Variants in KIAA1958 observed in about 807,000 individuals in gnomAD.
KIAA1958 encodes the protein KIAA1958, also known as uncharacterized protein KIAA1958.
Under a neutral mutation model 47.2 loss-of-function variants are expected in KIAA1958, and 14 were observed. The ratio of observed to expected loss-of-function variants is 0.30; its 90% CI spans 0.20 to 0.46. The LOEUF is 0.46. Among genes scored for constraint, KIAA1958 ranks in the 20% least tolerant of loss-of-function variants. The pLI is 1.00. For synonymous variants in KIAA1958, 354 were observed against 353.3 expected (o/e 1.00, Z -0.02); for missense variants, 803 against 909.2 (o/e 0.88, Z 1.50).
At chr9:112,654,513 G>A (rs1444650240) in intron 3 of KIAA1958, among the ~76,000 whole-genome samples, 5 of 152,022 alleles carry the variant, frequency 3.3e-5, no homozygotes, top group African/African-American at 4.8e-5. Flanking sequence ...AAAGCACTCC[G>A]CACAAAGAAG....
intron 1 of KIAA1958, among the ~76,000 whole-genome samples, chr9:112,523,052 C>T (rs752605422): frequency 1.3e-5 from 2 of 152,100 alleles, no homozygotes; most frequent in Non-Finnish European, 2.9e-5. Flanking sequence ...TCATTTCTAC[C>T]CACAGCACAG....
intron 1 of KIAA1958, among the ~76,000 whole-genome samples, chr9:112,559,368 A>G (rs1409946736): frequency 4.6e-5 from 7 of 152,232 alleles, no homozygotes; most frequent in African/African-American, 1.7e-4. Flanking sequence ...TGCTCTAGCA[A>G]AGGAAACCAA....
At position 112,659,903 on chromosome 9, in the gene KIAA1958, A is replaced by G. The variant is rs1214091298; in HGVS notation, c.1985A>G (p.Asp662Gly). ...CTGACTGCCAGGAAGGAGGCCACAG[A>G]CATGGGCAGCGTGTGGTATGAGGAG... The part of the protein sequence containing the change: ...FYLTARKEAT[D>G]MGSVWYEEQR... The change falls in exon 4 of 4, where the codon GAC becomes GGC. Residue 662 changes from aspartate (D) to glycine (G), a missense_variant. By Grantham distance (94) the Asp-to-Gly change is moderately conservative. This residue lies in a region of KIAA1958 where 761 missense variants were observed against 829.3 expected (regional missense o/e 0.92). Coordinates refer to ENST00000337530, the MANE Select transcript of KIAA1958 (RefSeq NM_133465.4). 5 of 1,614,172 alleles carry G rather than the reference A, an allele frequency of 3.1e-6. No individual in the cohort carries two copies. Among genetic ancestry groups the G allele is most frequent in the Non-Finnish European group, 2.5e-6 (3 of 1,180,008 alleles).
chr9:112,555,317 A>T (rs1473906437), intron 1 of KIAA1958, among the ~76,000 whole-genome samples: 1 of 152,150 alleles, frequency 6.6e-6, no homozygotes, highest in Admixed American at 6.5e-5. Context: ...GTTGCCATGG[A>T]CATTCCTGAG....
At chr9:112,515,090 T>G (rs1463891728) in intron 1 of KIAA1958, among the ~76,000 whole-genome samples, 1 of 50,282 alleles carries the variant, frequency 2.0e-5, no homozygotes, top group Non-Finnish European at 3.9e-5. Flanking sequence ...TGGGGGGGGG[T>G]CGGCCCCCCC....
intron 3 of KIAA1958, among the ~76,000 whole-genome samples, chr9:112,655,998 G>A (rs1047454880): frequency 1.3e-5 from 2 of 152,076 alleles, no homozygotes; most frequent in African/African-American, 4.8e-5. Flanking sequence ...GTGTCTGGTG[G>A]GAAAGGAGGG....
At chr9:112,620,790 TAAAA>T (rs949438335) in intron 2 of KIAA1958, among the ~76,000 whole-genome samples, 1 of 146,924 alleles carries the variant, frequency 6.8e-6, no homozygotes, top group Non-Finnish European at 1.5e-5. Flanking sequence ...TTACTAATCT[TAAAA>T]AAAAAGAAAA....
At chr9:112,554,437 G>T (rs1835207244) in intron 1 of KIAA1958, among the ~76,000 whole-genome samples, 1 of 152,090 alleles carries the variant, frequency 6.6e-6, no homozygotes, top group African/African-American at 2.4e-5. Context: ...GGCAGAGGTT[G>T]CAGTGAGCTG....
At chr9:112,619,645 G>T (rs536791642) in intron 2 of KIAA1958, among the ~76,000 whole-genome samples, 2 of 152,196 alleles carry the variant, frequency 1.3e-5, no homozygotes, top group African/African-American at 4.8e-5. Flanking sequence ...TAATATTTTG[G>T]CTAAAAAGAC....
At chr9:112,542,469 C>G (rs1834960425) in intron 1 of KIAA1958, among the ~76,000 whole-genome samples, 1 of 152,060 alleles carries the variant, frequency 6.6e-6, no homozygotes, top group South Asian at 2.1e-4. Context: ...AATATTTTCA[C>G]AAAGAATATA....
chr9:112,526,257 A>AT (rs11326472), intron 1 of KIAA1958, among the ~76,000 whole-genome samples: 1 of 150,430 alleles, frequency 6.6e-6, no homozygotes, highest in East Asian at 2.0e-4. Context: ...AAACTGGGTA[A>AT]TTTTTTTTTT....
At chr9:112,642,513 C>T (rs376793115) in intron 2 of KIAA1958, among the ~76,000 whole-genome samples, 6 of 152,202 alleles carry the variant, frequency 3.9e-5, no homozygotes, top group African/African-American at 1.2e-4. Flanking sequence ...TTCACGCAGC[C>T]GTACTTGCCA....
chr9:112,604,591 A>C (rs577702208), intron 2 of KIAA1958, among the ~76,000 whole-genome samples: 1 of 152,316 alleles, frequency 6.6e-6, no homozygotes, highest in Non-Finnish European at 1.5e-5. Context: ...CTAGTGATGC[A>C]GTGACAGCAA....
chr9:112,560,606 G>A (rs966630823), intron 1 of KIAA1958, among the ~76,000 whole-genome samples: 1 of 152,176 alleles, frequency 6.6e-6, no homozygotes, highest in African/African-American at 2.4e-5. Context: ...CTTGGCAAAG[G>A]TATAACTAGT....
chr9:112,502,595 C>G (rs1834162035), intron 1 of KIAA1958, among the ~76,000 whole-genome samples: 1 of 152,112 alleles, frequency 6.6e-6, no homozygotes, highest in African/African-American at 2.4e-5. Context: ...TATTAAGAGC[C>G]ATAAATATAT....
Position 112,667,206 on chromosome 9 carries a change from T to C in KIAA1958, c.*7137T>C, listed in dbSNP as rs1408191012. ...AACTGAAAAAGGGATTCAACAAACATTCACATGAACAGGGTCTGGGAAGAA... is the reference window on the plus strand; with the variant it reads ...AACTGAAAAAGGGATTCAACAAACACTCACATGAACAGGGTCTGGGAAGAA... On this transcript the variant is annotated 3_prime_UTR_variant, in exon 4 of 4. Coordinates refer to ENST00000337530, the MANE Select transcript of KIAA1958 (RefSeq NM_133465.4). 6.6e-6 allele frequency: 1 copy of C among 152,112 alleles called. No individual in the cohort carries two copies. Among genetic ancestry groups the C allele is most frequent in the Non-Finnish European group, 1.5e-5 (1 of 68,032 alleles). 9.4% of individuals were successfully genotyped at this position (152,112 alleles called of 1,614,324 possible). A position where few individuals can be genotyped will look rare whatever the true frequency, so the allele number is the denominator to read the frequency against.
intron 3 of KIAA1958, among the ~76,000 whole-genome samples, chr9:112,650,510 G>A (rs1837039676): frequency 6.6e-6 from 1 of 151,850 alleles, no homozygotes; most frequent in Admixed American, 6.6e-5. Context: ...ACTGTGATAA[G>A]TTAAAGATAG....
At chr9:112,617,839 C>G (rs777323066) in intron 2 of KIAA1958, 1 of 1,507,928 alleles carries the variant, frequency 6.6e-7, no homozygotes, top group Admixed American at 2.1e-5. Flanking sequence ...CATCAACACC[C>G]TCTCTATCCC....
chr9:112,628,552 A>C (rs111953553), intron 2 of KIAA1958, among the ~76,000 whole-genome samples: 30 of 152,270 alleles, frequency 2.0e-4, no homozygotes, highest in Non-Finnish European at 4.0e-4. Flanking sequence ...CTTGATTCCT[A>C]CATCAGAGGT....
Sources: allele counts gnomAD v4.1 joint callset (sites outside exome capture counted in the v4.1 genomes callset), GRCh38; gene constraint gnomAD v4.1.1; regional missense constraint gnomAD v4.1.1; transcripts MANE v1.5; gene names NCBI Gene and HGNC (gene_info 2026-07-23, HGNC 2026-07-21).